The following TMEM98 variants were observed in gnomAD, a reference collection of about 807,000 sequenced individuals.
TMEM98 encodes transmembrane protein 98.
TMEM98 carries 18 observed loss-of-function variants against 25.0 expected under a neutral mutation model. The observed-to-expected ratio is 0.72, with a 90% confidence interval of 0.50 to 1.07. The LOEUF (loss-of-function observed/expected upper bound fraction) is 1.07. Ranked by LOEUF, TMEM98 falls within the 50% of genes least tolerant of loss-of-function variation. The pLI, the probability that TMEM98 is intolerant of heterozygous loss-of-function variation, is 0.00. For missense variants in TMEM98, 241 were observed against 289.0 expected (o/e 0.83, Z 1.20); for synonymous variants, 103 against 112.4 (o/e 0.92, Z 0.53).
chr17:32,936,125 T>A (rs1359579782), intron 5 of TMEM98, among the ~76,000 whole-genome samples: 1 of 152,144 alleles, frequency 6.6e-6, no homozygotes, highest in African/African-American at 2.4e-5. Flanking sequence ...GATCTGCGGC[T>A]CCCACCCCAG....
rs984513942 is a variant in TMEM98, at chr17:32,943,725, G to T, written c.*2732G>T. On this transcript the variant is annotated 3_prime_UTR_variant, in exon 8 of 8. Coordinates refer to ENST00000579849, the MANE Select transcript of TMEM98 (RefSeq NM_015544.3). ...GGTCAAGGCTATTGTCATTGGGTTG[G>T]TATGTCAACAAGCAAAACGGTATGT... The T allele has an allele frequency of 6.6e-6, 1 of 152,182 alleles. No homozygotes were observed. Among genetic ancestry groups the T allele is most frequent in the African/African-American group, 2.4e-5 (1 of 41,422 alleles). The allele number at this position is 152,182 out of a possible 1,614,324, so 9.4% of individuals were successfully genotyped here. A position where few individuals can be genotyped will look rare whatever the true frequency, so the allele number is the denominator to read the frequency against.
Position 32,931,421 on chromosome 17 carries a change from A to G in TMEM98, c.-55+19A>G. On this transcript the variant is annotated intron_variant, in intron 2 of 7. Transcript: ENST00000579849. Reference sequence around the variant, plus strand: ...CCAGCAGGTAAGACCCACCTGTCCCACTCTCTTTCGTGGCTTCTTGACCAG... The same window carrying G: ...CCAGCAGGTAAGACCCACCTGTCCCGCTCTCTTTCGTGGCTTCTTGACCAG... 1.4e-6 allele frequency: 2 copies of G among 1,465,638 alleles called. No individual in the cohort carries two copies. The highest frequency in any genetic ancestry group is 2.5e-5 in the East Asian group (1 of 40,146). 90.8% of individuals were successfully genotyped at this position (1,465,638 alleles called of 1,614,324 possible).
At chr17:32,936,977 C>T (rs560573245) in intron 6 of TMEM98, among the ~76,000 whole-genome samples, 126 of 152,388 alleles carry the variant, frequency 8.3e-4, no homozygotes, top group African/African-American at 2.8e-3. Context: ...AGGCTAACTG[C>T]GAAATCCCGT....
At chr17:32,935,275 A>G (rs2091490063) in intron 5 of TMEM98, among the ~76,000 whole-genome samples, 1 of 152,188 alleles carries the variant, frequency 6.6e-6, no homozygotes. Context: ...ATGGCTATAG[A>G]TATAAATATG....
At chr17:32,936,268 G>A (rs1347965348) in intron 5 of TMEM98, 64 bp from the exon 6 acceptor site, 6 of 1,318,540 alleles carry the variant, frequency 4.6e-6, no homozygotes, top group Admixed American at 1.8e-5. Flanking sequence ...TTTGTCTCGT[G>A]GGGGTGGCGA....
Position 32,943,331 on chromosome 17 carries a change from C to G in TMEM98, c.*2338C>G, listed in dbSNP as rs2091540169. ...TAGGAGGCAATGCCACTCCTCTAGG[C>G]CCTTCGGGAGTTGGCTGAAGTTACT... On this transcript the variant is annotated 3_prime_UTR_variant, in exon 8 of 8. Transcript: ENST00000579849. The G allele has an allele frequency of 6.6e-6, 1 of 152,120 alleles. No homozygotes were observed. The highest frequency in any genetic ancestry group is 1.5e-5 in the Non-Finnish European group (1 of 68,048). The allele number at this position is 152,120 out of a possible 1,614,324, so 9.4% of individuals were successfully genotyped here. A position where few individuals can be genotyped will look rare whatever the true frequency, so the allele number is the denominator to read the frequency against.
At chr17:32,936,038 G>A (rs1449456409) in intron 5 of TMEM98, among the ~76,000 whole-genome samples, 1 of 152,158 alleles carries the variant, frequency 6.6e-6, no homozygotes, top group Non-Finnish European at 1.5e-5. Flanking sequence ...TAAGTGAGAA[G>A]GTGAAATTGG....
At chr17:32,938,185 C>CA (rs1252684665) in intron 6 of TMEM98, among the ~76,000 whole-genome samples, 1 of 152,194 alleles carries the variant, frequency 6.6e-6, no homozygotes, top group Non-Finnish European at 1.5e-5. Flanking sequence ...ATAATTCAGC[C>CA]AGGGTCCTGC....
At position 32,931,329 on chromosome 17, in the gene TMEM98, C is replaced by T; in HGVS notation, c.-128C>T. ...AATTTTACCTTGGTTCTCTTCAGGC[C>T]CTCAGGTCTCTGCAGGTGTCGTGGA... On this transcript the variant is annotated splice_region_variant and 5_prime_UTR_variant, in exon 2 of 8. Coordinates refer to ENST00000579849, the MANE Select transcript of TMEM98 (RefSeq NM_015544.3). 1.7e-6 allele frequency: 1 copy of T among 581,400 alleles called. No individual in the cohort carries two copies. Among genetic ancestry groups the T allele is most frequent in the Non-Finnish European group, 2.8e-6 (1 of 351,634 alleles). 36.0% of individuals were successfully genotyped at this position (581,400 alleles called of 1,614,324 possible). A position where few individuals can be genotyped will look rare whatever the true frequency, so the allele number is the denominator to read the frequency against.
At chr17:32,940,557 C>A (rs1247481424) in intron 7 of TMEM98, among the ~76,000 whole-genome samples, 1 of 152,118 alleles carries the variant, frequency 6.6e-6, no homozygotes, top group African/African-American at 2.4e-5. Flanking sequence ...TGGAGCTTTA[C>A]CAGGTACATC....
At chr17:32,938,145 C>T (rs1166179830) in intron 6 of TMEM98, among the ~76,000 whole-genome samples, 1 of 152,144 alleles carries the variant, frequency 6.6e-6, no homozygotes, top group East Asian at 1.9e-4. Flanking sequence ...CTAAAGAGTA[C>T]CTTGGACTAC....
At chr17:32,936,529 C>T (rs1291119234) in intron 6 of TMEM98, 82 bp downstream of exon 6, 1 of 1,219,406 alleles carries the variant, frequency 8.2e-7, no homozygotes. Context: ...CAGAGCTGGG[C>T]TCTTCTATAA....
intron 4 of TMEM98, 147 bp from the exon 5 acceptor site, chr17:32,934,144 T>G: frequency 1.2e-6 from 1 of 809,110 alleles, no homozygotes. Context: ...CATGGGCTGG[T>G]TCATGTTGAC....
At position 32,929,970 on chromosome 17, in the gene TMEM98, A is replaced by G. The variant is rs370980154; in HGVS notation, c.-130-1357A>G. On this transcript the variant is annotated intron_variant, in intron 1 of 7. Coordinates refer to ENST00000579849, the MANE Select transcript of TMEM98 (RefSeq NM_015544.3). ...TCCTTAAGATCAGGGTCTCTGTCCT[A>G]TCTATCTCCAATCTCCAGTGCATGA... Among the ~76,000 whole-genome samples, 29 of 152,256 alleles carry G rather than the reference A, an allele frequency of 1.9e-4. No homozygotes were observed. The South Asian group carries it at 3.5e-3, about 19-fold the overall frequency.
intron 4 of TMEM98, 54 bp from the exon 5 acceptor site, chr17:32,934,237 G>C: frequency 1.9e-6 from 3 of 1,608,270 alleles, no homozygotes; most frequent in Non-Finnish European, 1.7e-6. Flanking sequence ...GTGGGAGCTG[G>C]AGGGTGGTGG....
rs768018502 is a variant in TMEM98, at chr17:32,941,352, C to T, written c.*359C>T. The T allele has an allele frequency of 3.4e-5, 6 of 177,226 alleles. No individual in the cohort carries two copies. The highest frequency in any genetic ancestry group is 1.4e-4 in the South Asian group (1 of 7,056). The allele number at this position is 177,226 out of a possible 1,614,324, so 11.0% of individuals were successfully genotyped here. The stretch of plus-strand genomic sequence containing the variant: ...ACATTAAAATTAGAATTTCTGGCCT[C>T]TCTCGATCGGTCAGAATGTGTGGCA... On this transcript the variant is annotated 3_prime_UTR_variant, in exon 8 of 8. Coordinates refer to ENST00000579849, the MANE Select transcript of TMEM98 (RefSeq NM_015544.3).
intron 1 of TMEM98, 107 bp from the exon 2 acceptor site, chr17:32,931,220 A>G (rs1045789552): frequency 5.9e-5 from 16 of 272,032 alleles, no homozygotes; most frequent in African/African-American, 3.5e-4. Context: ...ACAAACAAAC[A>G]CAAACAAACA....
Position 32,942,456 on chromosome 17 carries a change from T to G in TMEM98, c.*1463T>G, listed in dbSNP as rs2151116135. 6.6e-6 allele frequency: 1 copy of G among 152,360 alleles called. No individual in the cohort carries two copies. The highest frequency in any genetic ancestry group is 2.1e-4 in the South Asian group (1 of 4,830). The allele number at this position is 152,360 out of a possible 1,614,324, so 9.4% of individuals were successfully genotyped here. A position where few individuals can be genotyped will look rare whatever the true frequency, so the allele number is the denominator to read the frequency against. On this transcript the variant is annotated 3_prime_UTR_variant, in exon 8 of 8. Transcript: ENST00000579849. ...CTCTGTCTAACTGAAGTCAGAAAATTCCTCAGCTGGATTCTGGGGAACCAG... is the reference window on the plus strand; with the variant it reads ...CTCTGTCTAACTGAAGTCAGAAAATGCCTCAGCTGGATTCTGGGGAACCAG...
rs759139904 is a variant in TMEM98, at chr17:32,936,455, A to G, written c.413+8A>G. On this transcript the variant is annotated splice_region_variant and intron_variant, in intron 6 of 7. Transcript: ENST00000579849. ...CAAGCGGATCAGCCCCAGGTGAGCA[A>G]TTGGCGGCTTCGAGGTCCCCACACT... 1.2e-5 allele frequency: 20 copies of G among 1,613,352 alleles called. No individual in the cohort carries two copies. The highest frequency in any genetic ancestry group is 1.7e-4 in the Middle Eastern group (1 of 6,060).
Sources: gnomAD v4.1 joint callset for allele counts (sites outside exome capture counted in the v4.1 genomes callset) on GRCh38, gnomAD v4.1.1 for gene constraint, MANE v1.5 for transcripts, NCBI Gene and HGNC (gene_info 2026-07-23, HGNC 2026-07-21) for gene names.